Variants in SMC5 observed in about 807,000 individuals in gnomAD.
SMC5 encodes the protein structural maintenance of chromosomes protein 5.
SMC5 carries 88 observed loss-of-function variants against 148.3 expected under a neutral mutation model. The ratio of observed to expected loss-of-function variants is 0.59; its 90% CI spans 0.50 to 0.71. The LOEUF (loss-of-function observed/expected upper bound fraction) is 0.71, where lower values mean the gene tolerates loss of function less well. SMC5 is among the 30% of genes least tolerant of loss of function. SMC5 has a pLI of 0.00. For synonymous variants in SMC5, 421 were observed against 432.8 expected (o/e 0.97, Z 0.34); for missense variants, 1,142 against 1,298.9 (o/e 0.88, Z 1.86).
Position 70,280,864 on chromosome 9 carries a change from T to A in SMC5, c.784T>A (p.Leu262Ile). Residue 262 changes from leucine to isoleucine, a missense_variant, in exon 6 of 25, where the codon TTA becomes ATA. By Grantham distance (5) the Leu-to-Ile change is conservative. Transcript: ENST00000361138. Reference protein sequence around the residue: ...RFYERKRHLDLIEMLEAKRPW... With the variant: ...RFYERKRHLDIIEMLEAKRPW... ...CTATGAACGGAAGCGACATTTAGAT[T>A]TAATTGAGATGCTTGAAGCAAAAAG... 1 of 1,613,922 alleles carries A rather than the reference T, an allele frequency of 6.2e-7. No homozygotes were observed. The highest frequency in any genetic ancestry group is 8.5e-7 in the Non-Finnish European group (1 of 1,179,972).
At position 70,354,414 on chromosome 9, in the gene SMC5, A is replaced by G. The variant is rs1034719730; in HGVS notation, c.*2083A>G. 1 of 152,220 alleles carries G rather than the reference A, an allele frequency of 6.6e-6. No homozygotes were observed. The highest frequency in any genetic ancestry group is 1.9e-4 in the East Asian group (1 of 5,170). The allele number at this position is 152,220 out of a possible 1,614,324, so 9.4% of individuals were successfully genotyped here. Reference sequence around the variant, plus strand: ...CTAATTTTTTATACTTTTAGTAGAGATGGGGTTTCAGCATATTGGCCAGGC... The same window carrying G: ...CTAATTTTTTATACTTTTAGTAGAGGTGGGGTTTCAGCATATTGGCCAGGC... On this transcript the variant is annotated 3_prime_UTR_variant, in exon 25 of 25. Transcript: ENST00000361138.
intron 11 of SMC5, among the ~76,000 whole-genome samples, chr9:70,308,443 A>G (rs1403784720): frequency 6.6e-6 from 1 of 151,654 alleles, no homozygotes; most frequent in Non-Finnish European, 1.5e-5. Context: ...AATACAAAAA[A>G]TTAGCCGGGC....
At chr9:70,340,458 G>A (rs1429676488) in intron 17 of SMC5, among the ~76,000 whole-genome samples, 1 of 151,930 alleles carries the variant, frequency 6.6e-6, no homozygotes, top group Non-Finnish European at 1.5e-5. Context: ...AAAATTTAAA[G>A]TTGACTTTCT....
chr9:70,299,627 T>A lies in SMC5; in HGVS notation c.1310-419T>A, dbSNP rs138146693. On this transcript the variant is annotated intron_variant, in intron 9 of 24. Coordinates refer to ENST00000361138, the MANE Select transcript of SMC5 (RefSeq NM_015110.4). ...ATTTAGGAATTAACTTCAGAGTCTT[T>A]GCACCCTTTAAAATATTCTTATTTC... 3.9e-3 allele frequency among the ~76,000 whole-genome samples: 591 copies of A among 152,094 alleles called. 3 individuals carry two copies. Among genetic ancestry groups the A allele is most frequent in the African/African-American group, 0.013 (547 of 41,542 alleles).
chr9:70,351,857 C>G (rs986555374), intron 24 of SMC5, among the ~76,000 whole-genome samples: 11 of 152,072 alleles, frequency 7.2e-5, no homozygotes, highest in African/African-American at 2.7e-4. Flanking sequence ...GGGCAGATCA[C>G]CTGAGGTCAG....
intron 22 of SMC5, among the ~76,000 whole-genome samples, chr9:70,349,840 T>C (rs1191511279): frequency 6.6e-6 from 1 of 152,204 alleles, no homozygotes; most frequent in Non-Finnish European, 1.5e-5. Context: ...TAAACTTGAA[T>C]AGAATGGTAT....
chr9:70,315,504 A>C lies in SMC5; in HGVS notation c.1732A>C (p.Ser578Arg), dbSNP rs373366303. Reference sequence around the variant, plus strand: ...ATTTGATGCACCTGATCCTGTAATGAGTTACCTTTGCTGTCAGTATCATAT... The same window carrying C: ...ATTTGATGCACCTGATCCTGTAATGCGTTACCTTTGCTGTCAGTATCATAT... Reference protein sequence around the residue: ...ELFDAPDPVMSYLCCQYHIHE... With the variant: ...ELFDAPDPVMRYLCCQYHIHE... Residue 578 changes from serine to arginine, a missense_variant, in exon 13 of 25, where the codon AGT becomes CGT. By Grantham distance (110) the Ser-to-Arg change is moderately radical. Coordinates refer to ENST00000361138, the MANE Select transcript of SMC5 (RefSeq NM_015110.4). The C allele has an allele frequency of 1.2e-4, 188 of 1,601,194 alleles. No individual in the cohort carries two copies. Among genetic ancestry groups the C allele is most frequent in the Non-Finnish European group, 1.5e-4 (181 of 1,172,296 alleles).
intron 17 of SMC5, among the ~76,000 whole-genome samples, chr9:70,324,611 C>G (rs1382242021): frequency 1.3e-5 from 2 of 152,088 alleles, no homozygotes; most frequent in Non-Finnish European, 2.9e-5. Flanking sequence ...CGCTAACCAT[C>G]CTGGTCACTA....
intron 7 of SMC5, among the ~76,000 whole-genome samples, chr9:70,284,724 C>A (rs1432831890): frequency 1.3e-5 from 2 of 151,976 alleles, no homozygotes; most frequent in Non-Finnish European, 2.9e-5. Context: ...AATTATTTTC[C>A]TAAAGAAATA....
chr9:70,333,154 A>T (rs1564065882), intron 17 of SMC5, among the ~76,000 whole-genome samples: 1 of 152,252 alleles, frequency 6.6e-6, no homozygotes, highest in Non-Finnish European at 1.5e-5. Context: ...GAAAATCTTA[A>T]GGAATCTACC....
intron 18 of SMC5, chr9:70,346,271 T>A: frequency 3.9e-6 from 1 of 257,846 alleles, no homozygotes; most frequent in Non-Finnish European, 7.4e-6. Context: ...AACTGCTTTC[T>A]AAGAGGTTAA....
chr9:70,283,752 T>C (rs1289640183), intron 7 of SMC5, among the ~76,000 whole-genome samples: 2 of 152,210 alleles, frequency 1.3e-5, no homozygotes, highest in Non-Finnish European at 2.9e-5. Context: ...ATTTCTGCTA[T>C]TGAAAGATCA....
intron 17 of SMC5, among the ~76,000 whole-genome samples, chr9:70,337,605 G>A (rs923049616): frequency 1.3e-5 from 2 of 151,864 alleles, no homozygotes; most frequent in South Asian, 2.1e-4. Context: ...ACAGGCGAGC[G>A]CCGCCACACC....
intron 3 of SMC5, among the ~76,000 whole-genome samples, chr9:70,271,443 A>C (rs2034447667): frequency 6.6e-6 from 1 of 152,200 alleles, no homozygotes; most frequent in African/African-American, 2.4e-5. Context: ...AAGTATACTA[A>C]CTGGCCATGT....
rs764682042 is a variant in SMC5, at chr9:70,314,692, G to A, written c.1579-50G>A. 11 of 972,506 alleles carry A rather than the reference G, an allele frequency of 1.1e-5. No individual in the cohort carries two copies. The South Asian group carries it at 1.2e-4, about 10-fold the overall frequency. 60.2% of individuals were successfully genotyped at this position (972,506 alleles called of 1,614,324 possible). ...AGTATGGTAACTATAAATCATTTCA[G>A]TAGAGAATATATGGTAATTAAAATA... On this transcript the variant is annotated intron_variant, in intron 11 of 24. Transcript: ENST00000361138.
chr9:70,331,141 A>T (rs919430637), intron 17 of SMC5, among the ~76,000 whole-genome samples: 1 of 152,194 alleles, frequency 6.6e-6, no homozygotes, highest in African/African-American at 2.4e-5. Flanking sequence ...ATTTTCCAGT[A>T]GCTAGGAACA....
At position 70,305,367 on chromosome 9, in the gene SMC5, A is replaced by C; in HGVS notation, c.1578+7A>C. ...GGAGGTTTTCCTCAAAGAGGCAAGT[A>C]CTAACCAACACAACACTTTGATTCA... is the stretch of plus-strand genomic sequence containing the variant. On this transcript the variant is annotated splice_region_variant and intron_variant, in intron 11 of 24. Transcript: ENST00000361138. 6.9e-7 allele frequency: 1 copy of C among 1,452,590 alleles called. No homozygotes were observed. The allele number at this position is 1,452,590 out of a possible 1,614,324, so 90.0% of individuals were successfully genotyped here. A position where few individuals can be genotyped will look rare whatever the true frequency, so the allele number is the denominator to read the frequency against.
At chr9:70,278,221 G>A (rs2034648764) in intron 4 of SMC5, among the ~76,000 whole-genome samples, 1 of 151,620 alleles carries the variant, frequency 6.6e-6, no homozygotes, top group Non-Finnish European at 1.5e-5. Flanking sequence ...GGGACTATGT[G>A]TTCTTTTATT....
intron 17 of SMC5, among the ~76,000 whole-genome samples, chr9:70,330,478 C>G (rs778382362): frequency 7.9e-5 from 12 of 151,568 alleles, no homozygotes; most frequent in African/African-American, 2.4e-5. Flanking sequence ...ATATAAGGAA[C>G]TCTGTAGGAT....
Sources: gnomAD v4.1 joint callset for allele counts (sites outside exome capture counted in the v4.1 genomes callset) on GRCh38, gnomAD v4.1.1 for gene constraint, MANE v1.5 for transcripts, NCBI Gene and HGNC (gene_info 2026-07-23, HGNC 2026-07-21) for gene names.